The following DNAH10 variants were observed in gnomAD, a reference collection of about 807,000 sequenced individuals.
DNAH10 encodes the protein axonemal beta dynein heavy chain 10.
Under a neutral mutation model 506.6 loss-of-function variants are expected in DNAH10, and 348 were observed. The ratio of observed to expected loss-of-function variants is 0.69; its 90% CI spans 0.63 to 0.75. The LOEUF is 0.75. Among genes scored for constraint, DNAH10 ranks in the 30% least tolerant of loss-of-function variants. The probability of loss-of-function intolerance (pLI) is 0.00; values close to 1 mark genes in which losing one functional copy is unlikely to be tolerated. For synonymous variants in DNAH10, 2,059 were observed against 2,198.6 expected (o/e 0.94, Z 1.78); for missense variants, 5,179 against 5,787.1 (o/e 0.89, Z 3.41).
chr12:123,887,153 C>T lies in DNAH10; in HGVS notation c.8835C>T (p.Ile2945=). ...TGTCTGCATCGCAGGTGTTTGAGATCCTGCTGAGCCGAGGCTACTCGGAGA... is the reference window on the plus strand; with the variant it reads ...TGTCTGCATCGCAGGTGTTTGAGATTCTGCTGAGCCGAGGCTACTCGGAGA... ...AFTASCEVFE[I]LLSRGYSENS... Residue 2945 remains isoleucine (I), a synonymous_variant, in exon 52 of 79, where the codon ATC becomes ATT. Transcript: ENST00000673944. 6.2e-7 allele frequency: 1 copy of T among 1,606,970 alleles called. No homozygotes were observed. The highest frequency in any genetic ancestry group is 1.1e-5 in the South Asian group (1 of 89,430).
chr12:123,924,767 C>T (rs975920188), intron 67 of DNAH10, among the ~76,000 whole-genome samples: 9 of 152,164 alleles, frequency 5.9e-5, no homozygotes, highest in African/African-American at 2.2e-4. Flanking sequence ...CCCACTCATC[C>T]ATCCACCTAC....
At chr12:123,855,616 A>G (rs1443170547) in intron 36 of DNAH10, among the ~76,000 whole-genome samples, 2 of 149,396 alleles carry the variant, frequency 1.3e-5, no homozygotes, top group Non-Finnish European at 3.0e-5. Context: ...CCTGGGTGAC[A>G]GAGCGAGACC....
intron 26 of DNAH10, among the ~76,000 whole-genome samples, chr12:123,832,294 G>A (rs995468517): frequency 1.3e-5 from 2 of 151,400 alleles, no homozygotes; most frequent in Non-Finnish European, 2.9e-5. Flanking sequence ...GTATACACAC[G>A]ATGTGCACAC....
At chr12:123,851,313 ATGTGTTAG>A (rs1565993282) in intron 35 of DNAH10, among the ~76,000 whole-genome samples, 2 of 146,024 alleles carry the variant, frequency 1.4e-5, no homozygotes, top group African/African-American at 2.6e-5. Flanking sequence ...GGGACCTAGG[ATGTGTTAG>A]CTCCATGTGG....
chr12:123,862,066 T>C (rs1744486425), intron 39 of DNAH10, among the ~76,000 whole-genome samples: 2 of 152,226 alleles, frequency 1.3e-5, no homozygotes, highest in Admixed American at 6.5e-5. Context: ...ATTCAGGCCA[T>C]GGCTGTTTGA....
At chr12:123,898,524 G>A in intron 55 of DNAH10, 129 bp from the exon 56 acceptor site, 2 of 1,231,020 alleles carry the variant, frequency 1.6e-6, no homozygotes, top group Non-Finnish European at 2.2e-6. Context: ...TGGAGGTACT[G>A]AAAGACATGT....
chr12:123,783,942 C>T lies in DNAH10; in HGVS notation c.1000-5C>T. ...AGTTCTTTGTGTGTTCATTTCACCT[C>T]TCAGGGTAAAGGCCCTCTGGCTGAA... On this transcript the variant is annotated splice_polypyrimidine_tract_variant and splice_region_variant and intron_variant, in intron 7 of 78. Coordinates refer to ENST00000673944, the MANE Select transcript of DNAH10 (RefSeq NM_001372106.1). 5.6e-6 allele frequency: 9 copies of T among 1,613,496 alleles called. No homozygotes were observed. Among genetic ancestry groups the T allele is most frequent in the Non-Finnish European group, 7.6e-6 (9 of 1,179,434 alleles).
chr12:123,820,697 T>C lies in DNAH10; in HGVS notation c.4118T>C (p.Leu1373Pro). ...DLPITMYPEL[L>P]KVQKEMSGLR... The stretch of plus-strand genomic sequence containing the variant: ...CCTATTACAATGTACCCAGAGCTGC[T>C]GAAAGTGCAGAAGGAAATGAGTGGG... The change falls in exon 24 of 79, where the codon CTG becomes CCG. Residue 1373 changes from leucine to proline, a missense_variant. Around this residue, in one of 3 missense-constraint regions of DNAH10, gnomAD observed 4,844 missense variants for 5,430.5 expected, o/e 0.89. Transcript: ENST00000673944. 3.1e-6 allele frequency: 5 copies of C among 1,613,932 alleles called. No homozygotes were observed. Among genetic ancestry groups the C allele is most frequent in the Non-Finnish European group, 4.2e-6 (5 of 1,179,894 alleles).
rs566147701 is a variant in DNAH10 at position 123,880,742 on chromosome 12, G to C, written c.8635-883G>C. Among the ~76,000 whole-genome samples, 780 of 151,306 alleles carry C rather than the reference G, an allele frequency of 5.2e-3. 6 individuals carry two copies. Among genetic ancestry groups the C allele is most frequent in the East Asian group, 0.011 (54 of 5,122 alleles). ...CGTATACATGTGCCATGTTGGTGTA[G>C]TGCACCCATTAACTCGTCATTTACA... On this transcript the variant is annotated intron_variant, in intron 50 of 78. Coordinates refer to ENST00000673944, the MANE Select transcript of DNAH10 (RefSeq NM_001372106.1).
At position 123,893,496 on chromosome 12, in the gene DNAH10, G is replaced by A. The variant is rs1015268191; in HGVS notation, c.9199+60G>A. The A allele has an allele frequency of 1.6e-5, 25 of 1,592,118 alleles. No individual in the cohort carries two copies. The Admixed American group carries it at 2.3e-4, about 15-fold the overall frequency. ...TGCTTTGGCAGAGTGTGTGGCTGAGGGTCTGTCCACACCTCTCCAGGTTCC... is the reference window on the plus strand; with the variant it reads ...TGCTTTGGCAGAGTGTGTGGCTGAGAGTCTGTCCACACCTCTCCAGGTTCC... On this transcript the variant is annotated intron_variant, in intron 53 of 78. Transcript: ENST00000673944.
At position 123,928,862 on chromosome 12, in the gene DNAH10, C is replaced by G. The variant is rs368527468; in HGVS notation, c.12306+275C>G. 23 of 466,608 alleles carry G rather than the reference C, an allele frequency of 4.9e-5. No homozygotes were observed. The highest frequency in any genetic ancestry group is 1.5e-4 in the South Asian group (5 of 33,710). 28.9% of individuals were successfully genotyped at this position (466,608 alleles called of 1,614,324 possible). On this transcript the variant is annotated intron_variant, in intron 70 of 78. Transcript: ENST00000673944. This position sits in a 1 kb window ranked among gnomAD's most constrained non-coding sequence, Gnocchi z 4.9. ...ACTTTTCATAAACTTCACGGCCCCC[C>G]CCCCCACACACAGCCTGCAGTTCGC...
chr12:123,913,137 G>A lies in DNAH10; in HGVS notation c.10174G>A (p.Glu3392Lys). 6.2e-7 allele frequency: 1 copy of A among 1,611,918 alleles called. No homozygotes were observed. Among genetic ancestry groups the A allele is most frequent in the Admixed American group, 1.7e-5 (1 of 59,850 alleles). The change falls in exon 60 of 79, where the codon GAA (glutamate) becomes AAA (lysine). Residue 3392 changes from glutamate (E) to lysine (K), a missense_variant. Glu to Lys is a moderately conservative substitution (Grantham distance 56). Around this residue, in one of 3 missense-constraint regions of DNAH10, gnomAD observed 4,844 missense variants for 5,430.5 expected, o/e 0.89. Transcript: ENST00000673944. The surrounding 1 kb of genome is among the most constrained non-coding windows in gnomAD (Gnocchi z 5.1). ...GCGGAATTTTTACCTCACTAAACGG[G>A]AACTGGAAAGGATCCAGAATGAGTT... is the stretch of plus-strand genomic sequence containing the variant. ...LERNFYLTKR[E>K]LERIQNELAA... is the part of the protein sequence containing the mutation.
chr12:123,934,176 G>A, intron 77 of DNAH10: 1 of 697,568 alleles, frequency 1.4e-6, no homozygotes, highest in Non-Finnish European at 2.6e-6. Flanking sequence ...CACATCTGCT[G>A]GGTCCTCCTC....
At chr12:123,797,952 A>G (rs1478875006) in intron 13 of DNAH10, among the ~76,000 whole-genome samples, 1 of 152,260 alleles carries the variant, frequency 6.6e-6, no homozygotes, top group Non-Finnish European at 1.5e-5. Flanking sequence ...CGTTGCTGCA[A>G]TAAAGTATCC....
Position 123,916,784 on chromosome 12 carries a change from A to G in DNAH10, c.11002+48A>G. On this transcript the variant is annotated intron_variant, in intron 63 of 78. Transcript: ENST00000673944. The surrounding 1 kb of genome is among the most constrained non-coding windows in gnomAD (Gnocchi z 4.6). ...CTGCTAATTCAGATGGTTATGAGGG[A>G]GACCGCAACCTCAGATCAAGGCATT... The G allele has an allele frequency of 6.4e-7, 1 of 1,550,650 alleles. No individual in the cohort carries two copies. Among genetic ancestry groups the G allele is most frequent in the Non-Finnish European group, 8.7e-7 (1 of 1,152,302 alleles).
chr12:123,781,109 G>A lies in DNAH10; in HGVS notation c.651G>A (p.Gln217=). 6.2e-7 allele frequency: 1 copy of A among 1,613,484 alleles called. No individual in the cohort carries two copies. Among genetic ancestry groups the A allele is most frequent in the Non-Finnish European group, 8.5e-7 (1 of 1,179,788 alleles). Residue 217 remains glutamine (Q), a synonymous_variant, in exon 6 of 79, where the codon CAG becomes CAA. Coordinates refer to ENST00000673944, the MANE Select transcript of DNAH10 (RefSeq NM_001372106.1). ...QVFLPALSFN[Q]HRTSTTVGVT... is the part of the protein sequence containing the mutation. ...TTTTGCCAGCATTGTCCTTCAATCA[G>A]CACAGGACGAGTACAACCGTGGGAG...
chr12:123,908,101 C>CT lies in DNAH10; in HGVS notation c.9816-1160_9816-1159insT, dbSNP rs1491343547. 7.3e-5 allele frequency among the ~76,000 whole-genome samples: 9 copies of CT among 122,990 alleles called. 1 individual carries two copies. Among genetic ancestry groups the CT allele is most frequent in the African/African-American group, 2.7e-4 (8 of 29,094 alleles). The allele number at this position is 122,990 out of a possible 152,430, so 80.7% of individuals were successfully genotyped here. A position where few individuals can be genotyped will look rare whatever the true frequency, so the allele number is the denominator to read the frequency against. ...CTGTCTCTCTGTCTCCTCCCTGTCT[C>CT]CCTGTCTCCTCCCTGTCTCTCTGTC... On this transcript the variant is annotated intron_variant, in intron 57 of 78. Transcript: ENST00000673944.
rs531959448 is a variant in DNAH10, at chr12:123,762,936, C to T, written c.214+386C>T. On this transcript the variant is annotated intron_variant, in intron 1 of 78. Transcript: ENST00000673944. The surrounding 1 kb of genome is among the most constrained non-coding windows in gnomAD (Gnocchi z 5.0). ...GGTTAAGTAACCTGCCCAAGGCCCA[C>T]GGGGCGTCAAGATCCACTGTGCAAT... is the stretch of plus-strand genomic sequence containing the variant. Among the ~76,000 whole-genome samples, 7 of 152,290 alleles carry T rather than the reference C, an allele frequency of 4.6e-5. No homozygotes were observed. In the East Asian group the frequency reaches 1.2e-3, roughly 25 times the overall value.
intron 25 of DNAH10, 98 bp downstream of exon 25, chr12:123,826,996 C>A: frequency 9.0e-7 from 1 of 1,109,622 alleles, no homozygotes; most frequent in Non-Finnish European, 1.3e-6. Context: ...GATGATGAAG[C>A]ACACAATTTC....
Sources: allele counts gnomAD v4.1 joint callset (sites outside exome capture counted in the v4.1 genomes callset), GRCh38; gene constraint gnomAD v4.1.1; regional missense constraint gnomAD v4.1.1; non-coding constraint Gnocchi (gnomAD v3.1); transcripts MANE v1.5; gene names NCBI Gene and HGNC (gene_info 2026-07-23, HGNC 2026-07-21).